Variants in FOLR1 observed in about 807,000 individuals in gnomAD.
FOLR1 encodes the protein folate receptor alpha, also known as KB cells FBP.
A neutral mutation model predicts 22.8 loss-of-function variants in FOLR1; 11 were observed. The observed-to-expected ratio is 0.48, with a 90% CI of 0.30 to 0.80. The LOEUF is 0.80. FOLR1 is among the 30% of genes least tolerant of loss of function. The pLI, the probability that FOLR1 is intolerant of heterozygous loss-of-function variation, is 0.06. For missense variants in FOLR1, 273 were observed against 320.3 expected (o/e 0.85, Z 1.13); for synonymous variants, 108 against 116.5 (o/e 0.93, Z 0.47).
chr11:72,195,177 T>G lies in FOLR1; in HGVS notation c.169-94T>G, dbSNP rs74702497. On this transcript the variant is annotated intron_variant, in intron 1 of 3. Transcript: ENST00000393676. ...GGGTGACTTCCAGTGGGCTGGGGAA[T>G]CAAGGACTAAGAGGGGAGACACTGC... is the stretch of plus-strand genomic sequence containing the variant. 17,223 of 1,244,382 alleles carry G rather than the reference T, an allele frequency of 0.014. 217 individuals carry two copies. The highest frequency in any genetic ancestry group is 0.046 in the East Asian group (1,983 of 43,018). 77.1% of individuals were successfully genotyped at this position (1,244,382 alleles called of 1,614,324 possible). A position where few individuals can be genotyped will look rare whatever the true frequency, so the allele number is the denominator to read the frequency against.
At chr11:72,192,373 G>A in intron 1 of FOLR1, 32 bp downstream of exon 1, 3 of 1,612,586 alleles carry the variant, frequency 1.9e-6, no homozygotes, top group South Asian at 1.1e-5. Flanking sequence ...GGTGGTGAGG[G>A]ACTGGCTCAG....
intron 1 of FOLR1, among the ~76,000 whole-genome samples, chr11:72,194,360 G>C (rs556248503): frequency 6.6e-6 from 1 of 152,152 alleles, no homozygotes; most frequent in South Asian, 2.1e-4. Flanking sequence ...TTCCCAAGTA[G>C]CTGGGATTAC....
In FOLR1 at chr11:72,196,155, T is replaced by C. The variant is rs1410352089; in HGVS notation, c.752T>C (p.Met251Thr). 3 of 1,614,182 alleles carry C rather than the reference T, an allele frequency of 1.9e-6. No homozygotes were observed. Residue 251 changes from methionine to threonine, a missense_variant, in exon 4 of 4, where the codon ATG (methionine) becomes ACG (threonine). By Grantham distance (81) the Met-to-Thr change is moderately conservative. Coordinates refer to ENST00000393676, the MANE Select transcript of FOLR1 (RefSeq NM_016729.3). The stretch of plus-strand genomic sequence containing the variant: ...CCTTTCCTGCTTAGCCTGGCCCTAA[T>C]GCTGCTGTGGCTGCTCAGCTGACCT... ...AWPFLLSLAL[M>T]LLWLLS
upstream of FOLR1, among the ~76,000 whole-genome samples, chr11:72,191,384 A>G (rs530938127): frequency 6.7e-6 from 1 of 149,712 alleles, no homozygotes; most frequent in East Asian, 2.0e-4. Flanking sequence ...TTTTTTTGAG[A>G]TGGAGTCTCG....
At chr11:72,192,001 G>A (rs1448428435), upstream of FOLR1, 7 of 682,022 alleles carry the variant, frequency 1.0e-5, no homozygotes, top group South Asian at 8.7e-5. Context: ...GAGGGGTGGT[G>A]TCTAATCCTA....
At chr11:72,190,151 C>T (rs1948137613), upstream of FOLR1, 2 of 152,308 alleles carry the variant, frequency 1.3e-5, no homozygotes, top group Non-Finnish European at 2.9e-5. Flanking sequence ...GAGAGCCTGG[C>T]TTCAGAAGCA....
intron 1 of FOLR1, among the ~76,000 whole-genome samples, chr11:72,194,589 C>T (rs184022391): frequency 6.6e-4 from 100 of 152,184 alleles, no homozygotes; most frequent in African/African-American, 1.9e-3. Flanking sequence ...TTAGTAGAGA[C>T]GGGGTTTCAC....
Position 72,192,218 on chromosome 11 carries a change from G to T in FOLR1, c.45G>T (p.Trp15Cys), listed in dbSNP as rs200261943. The change falls in exon 1 of 4, where the codon TGG (tryptophan) becomes TGT (cysteine). Residue 15 changes from tryptophan to cysteine, a missense_variant. By Grantham distance (215) the Trp-to-Cys change is radical. Coordinates refer to ENST00000393676, the MANE Select transcript of FOLR1 (RefSeq NM_016729.3). The stretch of plus-strand genomic sequence containing the variant: ...CACAGCTGCTGCTCCTTCTAGTGTG[G>T]GTGGCTGTAGTAGGGGAGGCTCAGA... ...MTTQLLLLLV[W>C]VAVVGEAQTR... is the part of the protein sequence containing the mutation. 1.5e-5 allele frequency: 25 copies of T among 1,614,150 alleles called. No individual in the cohort carries two copies. Among genetic ancestry groups the T allele is most frequent in the Non-Finnish European group, 2.0e-5 (24 of 1,180,026 alleles).
upstream of FOLR1, chr11:72,189,883 G>C (rs1267090277): frequency 6.6e-6 from 1 of 152,360 alleles, no homozygotes; most frequent in African/African-American, 2.4e-5. Flanking sequence ...TCTTGAAGTG[G>C]AGACTGAGGC....
intron 1 of FOLR1, among the ~76,000 whole-genome samples, chr11:72,193,274 T>C (rs1290203355): frequency 6.6e-6 from 1 of 151,180 alleles, no homozygotes; most frequent in African/African-American, 2.4e-5. Flanking sequence ...GAGGCAGAGA[T>C]TGTAGATCGT....
rs766989831 is a variant in FOLR1 at position 72,195,413 on chromosome 11, C to A, written c.311C>A (p.Thr104Asn). ...TGCAAACGGCATTTCATCCAGGACA[C>A]CTGCCTCTACGAGTGCTCCCCCAAC... is the stretch of plus-strand genomic sequence containing the variant. ...PACKRHFIQD[T>N]CLYECSPNLG... is the part of the protein sequence containing the mutation. The change falls in exon 2 of 4, where the codon ACC (threonine) becomes AAC (asparagine). Residue 104 changes from threonine to asparagine, a missense_variant. By Grantham distance (65) the Thr-to-Asn change is moderately conservative (BLOSUM62 0). Coordinates refer to ENST00000393676, the MANE Select transcript of FOLR1 (RefSeq NM_016729.3). 3.1e-6 allele frequency: 5 copies of A among 1,614,230 alleles called. No individual in the cohort carries two copies. The South Asian group carries it at 5.5e-5, about 18-fold the overall frequency.
intron 3 of FOLR1, 66 bp from the exon 4 acceptor site, chr11:72,195,831 G>A: frequency 6.2e-7 from 1 of 1,614,074 alleles, no homozygotes; most frequent in Non-Finnish European, 8.5e-7. Context: ...ATTTGGAGTT[G>A]TAGGGCTGGC....
At chr11:72,192,446 C>T in intron 1 of FOLR1, 105 bp downstream of exon 1, 1 of 1,270,692 alleles carries the variant, frequency 7.9e-7, no homozygotes, top group Non-Finnish European at 1.1e-6. Context: ...AGTGGAGGAG[C>T]CCTTCAGTTT....
chr11:72,195,696 A>G lies in FOLR1; in HGVS notation c.442A>G (p.Thr148Ala). Residue 148 changes from threonine (T) to alanine (A), a missense_variant, in exon 3 of 4, where the codon ACC becomes GCC. Physicochemically the swap from Thr to Ala is moderately conservative, Grantham distance 58. Coordinates refer to ENST00000393676, the MANE Select transcript of FOLR1 (RefSeq NM_016729.3). ...DCEQWWEDCRTSYTCKSNWHK... is the reference protein window; with the variant it reads ...DCEQWWEDCRASYTCKSNWHK... ...TGAGCAATGGTGGGAAGATTGTCGC[A>G]CCTCCTACACCTGCAAGAGCAACTG... 1.2e-6 allele frequency: 2 copies of G among 1,614,018 alleles called. No homozygotes were observed. The highest frequency in any genetic ancestry group is 1.1e-5 in the South Asian group (1 of 91,054).
At position 72,195,665 on chromosome 11, in the gene FOLR1, G is replaced by C. The variant is rs796052441; in HGVS notation, c.411G>C (p.Glu137Asp). ...ERVLNVPLCK[E>D]DCEQWWEDCR... ...TACTGAACGTGCCCCTGTGCAAAGA[G>C]GACTGTGAGCAATGGTGGGAAGATT... Residue 137 changes from glutamate (E) to aspartate (D), a missense_variant, in exon 3 of 4, where the codon GAG (glutamate) becomes GAC (aspartate). Transcript: ENST00000393676. 9.3e-6 allele frequency: 15 copies of C among 1,614,216 alleles called. No homozygotes were observed. The highest frequency in any genetic ancestry group is 1.3e-5 in the Non-Finnish European group (15 of 1,180,040).
chr11:72,196,166 C>T lies in FOLR1; in HGVS notation c.763C>T (p.Leu255=), dbSNP rs958792878. 7 of 1,614,178 alleles carry T rather than the reference C, an allele frequency of 4.3e-6. No individual in the cohort carries two copies. The African/African-American group carries it at 8.0e-5, about 18-fold the overall frequency. Residue 255 remains leucine (L), a synonymous_variant, in exon 4 of 4, where the codon CTG becomes TTG. Transcript: ENST00000393676. The stretch of plus-strand genomic sequence containing the variant: ...TAGCCTGGCCCTAATGCTGCTGTGG[C>T]TGCTCAGCTGACCTCCTTTTACCTT... ...LLSLALMLLW[L]LS
chr11:72,191,342 C>T (rs982033021), upstream of FOLR1, among the ~76,000 whole-genome samples: 7 of 152,114 alleles, frequency 4.6e-5, no homozygotes, highest in African/African-American at 1.4e-4. Context: ...CTGCAGCCCC[C>T]CCAACTAAAA....
chr11:72,193,013 T>C (rs1482417512), intron 1 of FOLR1, among the ~76,000 whole-genome samples: 1 of 152,014 alleles, frequency 6.6e-6, no homozygotes, highest in Non-Finnish European at 1.5e-5. Context: ...CTGAACATGA[T>C]GATATAACTA....
At chr11:72,191,995 G>T, upstream of FOLR1, 1 of 644,668 alleles carries the variant, frequency 1.6e-6, no homozygotes, top group East Asian at 2.8e-5. Context: ...GCCAGGGAGG[G>T]GTGGTGTCTA....
Sources: gnomAD v4.1 joint callset for allele counts (sites outside exome capture counted in the v4.1 genomes callset) on GRCh38, gnomAD v4.1.1 for gene constraint, MANE v1.5 for transcripts, NCBI Gene and HGNC (gene_info 2026-07-23, HGNC 2026-07-21) for gene names.